Variants in WDPCP observed in about 807,000 individuals in gnomAD.
WDPCP encodes the protein WD repeat-containing and planar cell polarity effector protein fritz homolog.
Under a neutral mutation model 93.1 loss-of-function variants are expected in WDPCP, and 71 were observed. The ratio of observed to expected loss-of-function variants is 0.76; its 90% CI spans 0.63 to 0.93. The LOEUF (loss-of-function observed/expected upper bound fraction) is 0.93, where lower values mean the gene tolerates loss of function less well. WDPCP is among the 40% of genes least tolerant of loss of function. WDPCP has a pLI of 0.00. For synonymous variants in WDPCP, 315 were observed against 315.0 expected, an observed-to-expected ratio of 1.00 and a Z score of 0.00; for missense variants, 844 against 887.4, an observed-to-expected ratio of 0.95 and a Z score of 0.62.
chr2:63,244,521 T>G (rs1680116595), intron 14 of WDPCP, among the ~76,000 whole-genome samples: 1 of 152,014 alleles, frequency 6.6e-6, no homozygotes, highest in Non-Finnish European at 1.5e-5. Context: ...CAATCCGAAA[T>G]GACAAACATG....
At chr2:63,358,000 A>T (rs181804709) in intron 12 of WDPCP, among the ~76,000 whole-genome samples, 8 of 152,186 alleles carry the variant, frequency 5.3e-5, no homozygotes, top group Admixed American at 6.5e-5. Flanking sequence ...GCAAACTAAC[A>T]TAGTAACAGA....
At chr2:63,457,292 C>T (rs1698690966) in intron 6 of WDPCP, among the ~76,000 whole-genome samples, 1 of 151,370 alleles carries the variant, frequency 6.6e-6, no homozygotes, top group East Asian at 1.9e-4. Context: ...AAACAGAAAA[C>T]CTGAGCATAC....
At chr2:63,789,792 A>C (rs1670519816) in intron 2 of WDPCP, among the ~76,000 whole-genome samples, 1 of 152,154 alleles carries the variant, frequency 6.6e-6, no homozygotes, top group Non-Finnish European at 1.5e-5. Context: ...TATGTTTCTC[A>C]TTTGAAGAAT....
chr2:63,318,800 ACC>A (rs1486959812), intron 12 of WDPCP, among the ~76,000 whole-genome samples: 2 of 152,134 alleles, frequency 1.3e-5, no homozygotes, highest in Non-Finnish European at 2.9e-5. Flanking sequence ...TTGAAAAAGT[ACC>A]TATCGAATAC....
At chr2:63,450,829 T>A (rs190620462) in intron 6 of WDPCP, among the ~76,000 whole-genome samples, 35 of 152,088 alleles carry the variant, frequency 2.3e-4, no homozygotes, top group African/African-American at 8.4e-4. Context: ...AGAGAATTGA[T>A]ATAACTTCAG....
intron 2 of WDPCP, among the ~76,000 whole-genome samples, chr2:63,758,079 G>A (rs1669995381): frequency 6.6e-6 from 1 of 150,380 alleles, no homozygotes; most frequent in South Asian, 2.1e-4. Context: ...ATCAACCTGA[G>A]ATAAAGTGTT....
At chr2:63,458,626 T>A (rs1407880032) in intron 6 of WDPCP, among the ~76,000 whole-genome samples, 1 of 152,134 alleles carries the variant, frequency 6.6e-6, no homozygotes, top group East Asian at 1.9e-4. Context: ...ACCATGCTCA[T>A]GGATTAAAAG....
intron 2 of WDPCP, among the ~76,000 whole-genome samples, chr2:63,671,828 C>T (rs1710351736): frequency 6.6e-6 from 1 of 152,236 alleles, no homozygotes; most frequent in African/African-American, 2.4e-5. Flanking sequence ...CAATGCAAGG[C>T]CTAAATCAGT....
At chr2:63,804,830 C>G (rs1041254355) in intron 2 of WDPCP, among the ~76,000 whole-genome samples, 38 of 151,812 alleles carry the variant, frequency 2.5e-4, no homozygotes, top group African/African-American at 7.7e-4. Context: ...GAGCTCGAGA[C>G]CAGCCTGGCC....
chr2:63,296,431 G>T (rs1433508609), intron 13 of WDPCP, among the ~76,000 whole-genome samples: 1 of 152,052 alleles, frequency 6.6e-6, no homozygotes, highest in Admixed American at 6.6e-5. Context: ...CATAATACTG[G>T]GAAGTCCTAG....
chr2:63,332,854 C>T (rs1483490973), intron 12 of WDPCP, among the ~76,000 whole-genome samples: 1 of 152,128 alleles, frequency 6.6e-6, no homozygotes, highest in Non-Finnish European at 1.5e-5. Flanking sequence ...GGTGATCCTC[C>T]CACCTTAGCT....
intron 1 of WDPCP, among the ~76,000 whole-genome samples, chr2:63,587,987 C>G (rs1708984039): frequency 1.3e-5 from 2 of 152,238 alleles, no homozygotes; most frequent in Non-Finnish European, 2.9e-5. Flanking sequence ...TCTGGAAGAG[C>G]TCCATTTGGG....
At chr2:63,773,061 C>A (rs1024410318) in intron 2 of WDPCP, among the ~76,000 whole-genome samples, 1 of 151,908 alleles carries the variant, frequency 6.6e-6, no homozygotes. Context: ...TTAGAGAAAC[C>A]ATTAGCATTG....
At chr2:63,353,683 G>C (rs1442402700) in intron 12 of WDPCP, among the ~76,000 whole-genome samples, 1 of 152,086 alleles carries the variant, frequency 6.6e-6, no homozygotes, top group Non-Finnish European at 1.5e-5. Context: ...CCCAACTAGG[G>C]TCTCCATCCA....
chr2:63,221,209 G>A (rs183601617), intron 14 of WDPCP, among the ~76,000 whole-genome samples: 4 of 152,196 alleles, frequency 2.6e-5, no homozygotes, highest in Non-Finnish European at 4.4e-5. Flanking sequence ...ATCATATGTC[G>A]CTGTAGAACT....
At position 63,404,127 on chromosome 2, in the gene WDPCP, C is replaced by T. The variant is rs372258764; in HGVS notation, c.1356G>A (p.Lys452=). The T allele has an allele frequency of 1.9e-6, 3 of 1,613,960 alleles. No homozygotes were observed. In the African/African-American group the frequency reaches 4.0e-5, roughly 22 times the overall value. The change falls in exon 10 of 18, where the codon AAG becomes AAA. Residue 452 remains lysine, a synonymous_variant. Transcript: ENST00000272321. ...GATCATAGATATCACTACCTTCACC[C>T]TTCTGAGAAACAACCTGAGGAGCTA... is the stretch of plus-strand genomic sequence containing the variant. The part of the protein sequence containing the change: ...QWIAPQVVSQ[K]GEGSDIYDLL...
chr2:63,463,004 G>C (rs1473348817), intron 6 of WDPCP, among the ~76,000 whole-genome samples: 1 of 152,212 alleles, frequency 6.6e-6, no homozygotes, highest in East Asian at 1.9e-4. Flanking sequence ...AGGAACCATG[G>C]AAGCTGTGGT....
At chr2:63,830,471 T>C (rs886134454), upstream of WDPCP, among the ~76,000 whole-genome samples, 1 of 152,170 alleles carries the variant, frequency 6.6e-6, no homozygotes, top group Admixed American at 6.5e-5. Context: ...TGTAGAATTC[T>C]AGGTTAGAAT....
At chr2:63,490,811 T>C (rs1201884804) in intron 2 of WDPCP, among the ~76,000 whole-genome samples, 2 of 152,138 alleles carry the variant, frequency 1.3e-5, no homozygotes, top group South Asian at 2.1e-4. Context: ...CAAGATGGAA[T>C]AGCTCAGACT....
Sources: gnomAD v4.1 joint callset for allele counts (sites outside exome capture counted in the v4.1 genomes callset) on GRCh38, gnomAD v4.1.1 for gene constraint, MANE v1.5 for transcripts, NCBI Gene and HGNC (gene_info 2026-07-23, HGNC 2026-07-21) for gene names.